NUFIP1: variants seen among roughly 807,000 people sequenced by gnomAD.
The protein encoded by NUFIP1 is nuclear FMR1 interacting protein 1, also known as FMR1-interacting protein NUFIP1.
In NUFIP1, 38 loss-of-function variants were observed where a neutral mutation model predicts 56.2. That is an observed-to-expected ratio of 0.68 (90% CI 0.52 to 0.89). The LOEUF (loss-of-function observed/expected upper bound fraction) is 0.89. NUFIP1 is among the 40% of genes least tolerant of loss of function. The pLI, the probability that NUFIP1 is intolerant of heterozygous loss-of-function variation, is 0.00. For missense variants in NUFIP1, 567 were observed against 605.8 expected (o/e 0.94, Z 0.67); for synonymous variants, 215 against 212.4 (o/e 1.01, Z -0.10).
intron 8 of NUFIP1, among the ~76,000 whole-genome samples, chr13:44,946,566 T>C (rs1275553728): frequency 6.6e-6 from 1 of 152,214 alleles, no homozygotes; most frequent in Non-Finnish European, 1.5e-5. Context: ...CAGACCCTGA[T>C]GTGAGTATTA....
Position 44,980,789 on chromosome 13 carries a change from C to CA in NUFIP1, c.526dup (p.Cys176LeufsTer2). ...TTTAAAACCACGATCACAGGTATCA[C>CA]AAAAAAAGTGAAAAACTGGTTCCTT... is the stretch of plus-strand genomic sequence containing the variant. On this transcript the variant is annotated frameshift_variant, in exon 3 of 10. Coordinates refer to ENST00000379161, the MANE Select transcript of NUFIP1 (RefSeq NM_012345.3). LOFTEE classifies it high-confidence loss of function. 4 of 1,600,716 alleles carry CA rather than the reference C, an allele frequency of 2.5e-6. No homozygotes were observed. The highest frequency in any genetic ancestry group is 1.8e-5 in the Admixed American group (1 of 56,118).
At chr13:44,969,297 A>G (rs1424173668) in intron 5 of NUFIP1, among the ~76,000 whole-genome samples, 1 of 152,186 alleles carries the variant, frequency 6.6e-6, no homozygotes, top group Non-Finnish European at 1.5e-5. Flanking sequence ...AAACAACAGT[A>G]GGAAGCCCCA....
chr13:44,972,889 A>T (rs989238778), intron 5 of NUFIP1, among the ~76,000 whole-genome samples: 1 of 152,240 alleles, frequency 6.6e-6, no homozygotes, highest in Non-Finnish European at 1.5e-5. Flanking sequence ...AGCCACATAT[A>T]GCAAAATCTT....
chr13:44,971,500 C>T (rs142418213), intron 5 of NUFIP1, among the ~76,000 whole-genome samples: 1,556 of 152,264 alleles, frequency 0.01, 13 homozygotes, highest in South Asian at 0.016. Context: ...TTCAGAAGGA[C>T]AGAGCCGCTT....
intron 5 of NUFIP1, among the ~76,000 whole-genome samples, chr13:44,972,860 T>G (rs189927490): frequency 6.6e-6 from 1 of 152,224 alleles, no homozygotes; most frequent in Non-Finnish European, 1.5e-5. Flanking sequence ...AAGTTACTAG[T>G]GTTTGTTTTG....
intron 9 of NUFIP1, 36 bp from the exon 10 acceptor site, chr13:44,941,358 TA>T (rs1384638717): frequency 1.6e-6 from 2 of 1,227,642 alleles, no homozygotes; most frequent in Admixed American, 3.8e-5. Flanking sequence ...AGGTAGTAAA[TA>T]AATTATATCT....
chr13:44,939,577 TA>T lies in NUFIP1; in HGVS notation c.*1628del, dbSNP rs1870662442. 1 of 152,130 alleles carries T rather than the reference TA, an allele frequency of 6.6e-6. No homozygotes were observed. Among genetic ancestry groups the T allele is most frequent in the Non-Finnish European group, 1.5e-5 (1 of 68,028 alleles). 9.4% of individuals were successfully genotyped at this position (152,130 alleles called of 1,614,324 possible). ...TACAAATATTGACCATATAATTCCATAAAGTAGAAACCATACAGGCTATATT... is the reference window on the plus strand; with the variant it reads ...TACAAATATTGACCATATAATTCCATAAGTAGAAACCATACAGGCTATATT... On this transcript the variant is annotated 3_prime_UTR_variant, in exon 10 of 10. Coordinates refer to ENST00000379161, the MANE Select transcript of NUFIP1 (RefSeq NM_012345.3).
intron 5 of NUFIP1, among the ~76,000 whole-genome samples, chr13:44,976,661 A>G (rs11620113): frequency 0.033 from 5,008 of 152,276 alleles, 110 homozygotes; most frequent in East Asian, 0.12. Context: ...CAAAATTCCT[A>G]TGTCAAACTA....
At chr13:44,954,344 TC>T (rs955014041) in intron 7 of NUFIP1, among the ~76,000 whole-genome samples, 5 of 151,646 alleles carry the variant, frequency 3.3e-5, no homozygotes, top group African/African-American at 1.2e-4. Context: ...GTTCCCACCA[TC>T]CCCCCCTAAA....
In NUFIP1 at chr13:44,989,441, C is replaced by G; in HGVS notation, c.-5G>C. The G allele has an allele frequency of 6.2e-7, 1 of 1,612,184 alleles. No individual in the cohort carries two copies. Among genetic ancestry groups the G allele is most frequent in the Non-Finnish European group, 8.5e-7 (1 of 1,179,082 alleles). On this transcript the variant is annotated 5_prime_UTR_variant, in exon 1 of 10. Transcript: ENST00000379161. ...ATCACTAGTCGGCTCAGCCATACCA[C>G]TGGCGGGTCCGGAGTCTAGCACGCG...
chr13:44,983,133 C>T (rs186190302), intron 1 of NUFIP1, among the ~76,000 whole-genome samples: 226 of 152,214 alleles, frequency 1.5e-3, no homozygotes, highest in African/African-American at 5.3e-3. Flanking sequence ...GGACTGCAAG[C>T]GTGAGCCACC....
intron 1 of NUFIP1, among the ~76,000 whole-genome samples, chr13:44,982,775 G>A (rs1247851570): frequency 2.0e-5 from 3 of 152,152 alleles, no homozygotes; most frequent in Non-Finnish European, 4.4e-5. Flanking sequence ...GGGAGGCTGA[G>A]ACAGGAGAAC....
intron 7 of NUFIP1, among the ~76,000 whole-genome samples, chr13:44,958,331 G>C (rs1263033815): frequency 3.9e-5 from 6 of 152,080 alleles, no homozygotes; most frequent in Non-Finnish European, 8.8e-5. Flanking sequence ...TTCTAAAATG[G>C]TAACAGTAAC....
intron 1 of NUFIP1, among the ~76,000 whole-genome samples, chr13:44,988,323 G>A (rs1872501286): frequency 1.3e-5 from 2 of 152,176 alleles, no homozygotes; most frequent in East Asian, 1.9e-4. Context: ...AGGAGTTTGA[G>A]GCATGAGAAT....
At chr13:44,979,106 C>T (rs1024797996) in intron 5 of NUFIP1, 84 bp downstream of exon 5, 70 of 1,090,720 alleles carry the variant, frequency 6.4e-5, no homozygotes, top group Admixed American at 4.2e-4. Context: ...TTCCAACATT[C>T]TAAGGGAATT....
At chr13:44,954,758 T>C (rs1871172020) in intron 7 of NUFIP1, among the ~76,000 whole-genome samples, 1 of 152,166 alleles carries the variant, frequency 6.6e-6, no homozygotes, top group South Asian at 2.1e-4. Context: ...AATAGGGACT[T>C]TGCTTTATAG....
At chr13:44,974,574 C>G (rs1002452529) in intron 5 of NUFIP1, among the ~76,000 whole-genome samples, 1 of 152,044 alleles carries the variant, frequency 6.6e-6, no homozygotes, top group Admixed American at 6.6e-5. Context: ...TTTTTTGAGA[C>G]AAGGTTTCGC....
Position 44,976,827 on chromosome 13 carries a change from G to A in NUFIP1, c.734+2363C>T, listed in dbSNP as rs151098249. On this transcript the variant is annotated intron_variant, in intron 5 of 9. Transcript: ENST00000379161. ...CAGCAGAGGGGCAAGGGGGCTCACA[G>A]GAGACAGGCAAATTGATCTTTATAA... Among the ~76,000 whole-genome samples the A allele has an allele frequency of 7.0e-3, 1,069 of 152,326 alleles. 48 individuals are homozygous for A. The East Asian group carries it at 0.09, about 13-fold the overall frequency.
intron 5 of NUFIP1, among the ~76,000 whole-genome samples, chr13:44,968,048 G>T (rs912757749): frequency 4.7e-4 from 71 of 151,942 alleles, no homozygotes; most frequent in African/African-American, 1.7e-3. Context: ...GACAGGAATG[G>T]AAATGACATT....
Sources: gnomAD v4.1 joint callset for allele counts (sites outside exome capture counted in the v4.1 genomes callset) on GRCh38, gnomAD v4.1.1 for gene constraint, MANE v1.5 for transcripts, NCBI Gene and HGNC (gene_info 2026-07-23, HGNC 2026-07-21) for gene names.